Variants in KMT2C observed in about 807,000 individuals in gnomAD.
KMT2C encodes the protein histone-lysine N-methyltransferase 2C.
In KMT2C, 88 loss-of-function variants were observed where a neutral mutation model predicts 507.9. The observed-to-expected ratio is 0.17, with a 90% CI of 0.15 to 0.21. The LOEUF is 0.21. KMT2C is among the 10% of genes least tolerant of loss of function. KMT2C has a pLI of 1.00. For missense variants in KMT2C, 4,954 were observed against 5,957.8 expected, an observed-to-expected ratio of 0.83 and a Z score of 5.55; for synonymous variants, 2,049 against 2,080.8, an observed-to-expected ratio of 0.98 and a Z score of 0.42.
chr7:152,139,448 T>C (rs114162134), intron 56 of KMT2C, among the ~76,000 whole-genome samples, 189 bp from the exon 57 acceptor site: 66 of 152,342 alleles, frequency 4.3e-4, no homozygotes, highest in African/African-American at 1.6e-3. Flanking sequence ...CAGTAGGTTG[T>C]GTGTGAAGCC....
intron 42 of KMT2C, among the ~76,000 whole-genome samples, chr7:152,164,540 C>T (rs1165656244): frequency 6.6e-6 from 1 of 152,046 alleles, no homozygotes; most frequent in Non-Finnish European, 1.5e-5. Context: ...CCGCCCGCCT[C>T]GGCCTCCCAA....
In KMT2C at chr7:152,176,443, G is replaced by T; in HGVS notation, c.9010C>A (p.Leu3004Met). Residue 3004 changes from leucine (L) to methionine (M), a missense_variant, in exon 38 of 59, where the codon CTG (leucine) becomes ATG (methionine). Coordinates refer to ENST00000262189, the MANE Select transcript of KMT2C (RefSeq NM_170606.3). Reference protein sequence around the residue: ...IPGQSTVNHSLGTGKPATQTG... With the variant: ...IPGQSTVNHSMGTGKPATQTG... ...TGAGTTGCAGGTTTTCCTGTCCCCA[G>T]ACTGTGGTTAACTGTTGATTGACCT... is the stretch of plus-strand genomic sequence containing the variant. 1.2e-6 allele frequency: 2 copies of T among 1,614,210 alleles called. 1 individual carries two copies. The highest frequency in any genetic ancestry group is 2.2e-5 in the South Asian group (2 of 91,092).
chr7:152,222,015 T>G lies in KMT2C; in HGVS notation c.3485A>C (p.Lys1162Thr). ...ESSLVAQIVT[K>T]VKELDPPKTY... Reference sequence around the variant, plus strand: ...TCAAATTTTACCTAGCTCTTTTACTTTTGTGACAATTTGTGCTACAAGTGA... The same window carrying G: ...TCAAATTTTACCTAGCTCTTTTACTGTTGTGACAATTTGTGCTACAAGTGA... Residue 1162 changes from lysine to threonine, a missense_variant, in exon 22 of 59, where the codon AAA becomes ACA. By Grantham distance (78) the Lys-to-Thr change is moderately conservative. Transcript: ENST00000262189. 1 of 1,605,282 alleles carries G rather than the reference T, an allele frequency of 6.2e-7. No homozygotes were observed. The highest frequency in any genetic ancestry group is 8.5e-7 in the Non-Finnish European group (1 of 1,176,532).
intron 14 of KMT2C, among the ~76,000 whole-genome samples, chr7:152,239,552 T>G (rs2095345950): frequency 1.3e-5 from 2 of 152,210 alleles, no homozygotes; most frequent in Non-Finnish European, 2.9e-5. Context: ...ATGCCTAAAG[T>G]ACCTGATAAA....
chr7:152,307,158 TAAGGGAGGAAAGAAGAGG>T (rs1343300750), intron 6 of KMT2C, among the ~76,000 whole-genome samples: 94 of 124,308 alleles, frequency 7.6e-4, no homozygotes, highest in African/African-American at 2.8e-3. Flanking sequence ...ACCCTGGAAA[TAAGGGAGGAAAGAAGAGG>T]AAGGAAGGAA....
Position 152,368,316 on chromosome 7 carries a change from T to G in KMT2C, c.162-9641A>C. ...TGGCAGCTGTGACTTATAATGGAGT[T>G]GATAACAACAAGAATAAAGGGCAGC... On this transcript the variant is annotated intron_variant, in intron 1 of 58. Transcript: ENST00000262189. 12 of 1,194,048 alleles carry G rather than the reference T, an allele frequency of 1.0e-5. 1 individual carries two copies. In the South Asian group the frequency reaches 1.5e-4, roughly 15 times the overall value. 74.0% of individuals were successfully genotyped at this position (1,194,048 alleles called of 1,614,324 possible). A position where few individuals can be genotyped will look rare whatever the true frequency, so the allele number is the denominator to read the frequency against.
chr7:152,373,386 A>AT (rs2129242735), intron 1 of KMT2C, among the ~76,000 whole-genome samples: 1 of 152,332 alleles, frequency 6.6e-6, no homozygotes, highest in South Asian at 2.1e-4. Flanking sequence ...AGATGGTTCT[A>AT]TAACTCAGGA....
chr7:152,425,406 T>C (rs1248118676), intron 1 of KMT2C, among the ~76,000 whole-genome samples: 2 of 152,086 alleles, frequency 1.3e-5, no homozygotes, highest in Admixed American at 1.3e-4. Flanking sequence ...TGAAACCCCA[T>C]CTCCATTAAA....
chr7:152,300,244 AAG>A (rs2096554555), intron 6 of KMT2C, among the ~76,000 whole-genome samples: 3 of 152,354 alleles, frequency 2.0e-5, no homozygotes, highest in African/African-American at 7.2e-5. Context: ...TTATCCTGTG[AAG>A]GAGGGTCTGT....
intron 1 of KMT2C, among the ~76,000 whole-genome samples, chr7:152,424,862 A>C (rs373580889): frequency 6.6e-6 from 1 of 152,134 alleles, no homozygotes; most frequent in East Asian, 1.9e-4. Context: ...TCTCCACATC[A>C]TCTCTCCAGC....
intron 1 of KMT2C, among the ~76,000 whole-genome samples, chr7:152,424,757 T>G (rs1459436683): frequency 6.6e-6 from 1 of 152,166 alleles, no homozygotes. Context: ...CTTTTGTGTC[T>G]GTATTCAACA....
In KMT2C at chr7:152,435,858, GC is replaced by G; in HGVS notation, c.-73del. 1 of 1,384,542 alleles carries G rather than the reference GC, an allele frequency of 7.2e-7. No homozygotes were observed. The highest frequency in any genetic ancestry group is 9.4e-7 in the Non-Finnish European group (1 of 1,065,242). The allele number at this position is 1,384,542 out of a possible 1,614,324, so 85.8% of individuals were successfully genotyped here. A position where few individuals can be genotyped will look rare whatever the true frequency, so the allele number is the denominator to read the frequency against. ...GGCTCCCGCCGCCGCGGCCGCCGCC[GC>G]CGCCGCTGCTGCTCGGGTTCCTCCT... On this transcript the variant is annotated 5_prime_UTR_variant, in exon 1 of 59. The change abolishes the stop of an existing upstream ORF in the 5' untranslated region. Transcript: ENST00000262189.
Position 152,435,972 on chromosome 7 carries a change from C to G in KMT2C, c.-186G>C. Reference sequence around the variant, plus strand: ...GGCAACATGGAGCGAGCAGGACACGCACTCACACACATCGGCGCGGGCGCG... The same window carrying G: ...GGCAACATGGAGCGAGCAGGACACGGACTCACACACATCGGCGCGGGCGCG... On this transcript the variant is annotated 5_prime_UTR_variant, in exon 1 of 59. Transcript: ENST00000262189. 5.0e-6 allele frequency: 2 copies of G among 396,068 alleles called. No individual in the cohort carries two copies. The highest frequency in any genetic ancestry group is 2.4e-4 in the South Asian group (2 of 8,374). The allele number at this position is 396,068 out of a possible 1,614,324, so 24.5% of individuals were successfully genotyped here. A position where few individuals can be genotyped will look rare whatever the true frequency, so the allele number is the denominator to read the frequency against.
chr7:152,256,455 G>A (rs1202023916), intron 9 of KMT2C, among the ~76,000 whole-genome samples: 2 of 152,014 alleles, frequency 1.3e-5, no homozygotes, highest in Non-Finnish European at 2.9e-5. Flanking sequence ...TAGCTAACTC[G>A]GGAGGCTGAG....
intron 6 of KMT2C, among the ~76,000 whole-genome samples, chr7:152,277,630 A>G (rs1452327208): frequency 1.3e-5 from 2 of 152,188 alleles, no homozygotes; most frequent in South Asian, 2.1e-4. Context: ...AGCTTCAGGT[A>G]AAAACTTCCC....
At chr7:152,358,696 A>T in intron 1 of KMT2C, 21 bp from the exon 2 acceptor site, 2 of 1,371,820 alleles carry the variant, frequency 1.5e-6, no homozygotes, top group Non-Finnish European at 2.1e-6. Context: ...AAAAAAAAAT[A>T]ATAAGTACAT....
At position 152,177,696 on chromosome 7, in the gene KMT2C, G is replaced by C. The variant is rs762665429; in HGVS notation, c.7757C>G (p.Ser2586Cys). 1.2e-6 allele frequency: 2 copies of C among 1,614,140 alleles called. No homozygotes were observed. Among genetic ancestry groups the C allele is most frequent in the Admixed American group, 1.7e-5 (1 of 60,028 alleles). ...AATGAAGTTTCCATGTCTCAGATTAGAAGATGCCTCTACAACGCTGCCAGG... is the reference window on the plus strand; with the variant it reads ...AATGAAGTTTCCATGTCTCAGATTACAAGATGCCTCTACAACGCTGCCAGG... Reference protein sequence around the residue: ...APPGSVVEASSNLRHGNFIPR... With the variant: ...APPGSVVEASCNLRHGNFIPR... The change falls in exon 38 of 59, where the codon TCT (serine) becomes TGT (cysteine). Residue 2586 changes from serine (S) to cysteine (C), a missense_variant. Ser to Cys is a moderately radical substitution (Grantham distance 112). Around this residue, in one of 29 missense-constraint regions of KMT2C, gnomAD observed 1,689 missense variants for 1,654.3 expected, o/e 1.02. Transcript: ENST00000262189.
At chr7:152,331,896 G>A (rs889250476) in intron 2 of KMT2C, among the ~76,000 whole-genome samples, 5 of 151,678 alleles carry the variant, frequency 3.3e-5, no homozygotes, top group Non-Finnish European at 7.4e-5. Context: ...TGATCCACCT[G>A]CCTCGGCCTC....
intron 6 of KMT2C, among the ~76,000 whole-genome samples, chr7:152,289,302 C>G (rs533614619): frequency 1.5e-4 from 23 of 152,274 alleles, no homozygotes; most frequent in Non-Finnish European, 2.9e-4. Flanking sequence ...GGCACTACAA[C>G]TACAGTAAAA....
Sources: allele counts gnomAD v4.1 joint callset (sites outside exome capture counted in the v4.1 genomes callset), GRCh38; gene constraint gnomAD v4.1.1; regional missense constraint gnomAD v4.1.1; transcripts MANE v1.5; gene names NCBI Gene and HGNC (gene_info 2026-07-23, HGNC 2026-07-21).